The following DHX9 variants were observed in gnomAD, a reference collection of about 807,000 sequenced individuals.
DHX9 encodes the protein ATP-dependent RNA helicase A.
Under a neutral mutation model 148.7 loss-of-function variants are expected in DHX9, and 27 were observed. That is an observed-to-expected ratio of 0.18 (90% CI 0.13 to 0.25). DHX9 has a LOEUF of 0.25. Among genes scored for constraint, DHX9 ranks in the 10% least tolerant of loss-of-function variants. The pLI is 1.00. For missense variants in DHX9, 796 were observed against 1,559.6 expected, an observed-to-expected ratio of 0.51 and a Z score of 8.25; for synonymous variants, 529 against 516.6, an observed-to-expected ratio of 1.02 and a Z score of -0.33.
Position 182,883,169 on chromosome 1 carries a change from C to G in DHX9, c.2945C>G (p.Thr982Ser), listed in dbSNP as rs759423550. ...TTGTTGACACAAGTGTTTACTAACA[C>G]TGGACCAGATAATAATTTGGATGTT... ...DCLLTQVFTN[T>S]GPDNNLDVVI... Residue 982 changes from threonine to serine, a missense_variant, in exon 25 of 28, where the codon ACT becomes AGT. Physicochemically the swap from Thr to Ser is moderately conservative, Grantham distance 58 (BLOSUM62 1). Around this residue, in one of 14 missense-constraint regions of DHX9, gnomAD observed 122 missense variants for 289.3 expected, o/e 0.42. Transcript: ENST00000367549. The G allele has an allele frequency of 1.2e-6, 2 of 1,614,052 alleles. No individual in the cohort carries two copies. Among genetic ancestry groups the G allele is most frequent in the East Asian group, 2.2e-5 (1 of 44,870 alleles).
At chr1:182,859,463 C>T (rs895123227) in intron 11 of DHX9, among the ~76,000 whole-genome samples, 1 of 151,966 alleles carries the variant, frequency 6.6e-6, no homozygotes, top group Non-Finnish European at 1.5e-5. Context: ...AGTTTTTGGA[C>T]AACATCAAAA....
At chr1:182,847,278 A>G (rs1198073701) in intron 3 of DHX9, among the ~76,000 whole-genome samples, 1 of 152,170 alleles carries the variant, frequency 6.6e-6, no homozygotes, top group Non-Finnish European at 1.5e-5. Flanking sequence ...TGTATCAAAT[A>G]ATTTTTTATT....
At chr1:182,884,488 T>A (rs1172012169) in intron 26 of DHX9, 125 bp from the exon 27 acceptor site, 2 of 858,262 alleles carry the variant, frequency 2.3e-6, no homozygotes. Context: ...AGTAGTTTTT[T>A]TTTTTAATAT....
At chr1:182,875,995 C>T (rs1648747596) in intron 16 of DHX9, 55 bp from the exon 17 acceptor site, 6 of 1,409,844 alleles carry the variant, frequency 4.3e-6, no homozygotes, top group Non-Finnish European at 4.0e-6. Flanking sequence ...ATCTAGAAGA[C>T]TTACCTCATG....
chr1:182,878,678 AT>A (rs1290251598), intron 20 of DHX9, among the ~76,000 whole-genome samples: 3 of 152,054 alleles, frequency 2.0e-5, no homozygotes, highest in African/African-American at 4.8e-5. Flanking sequence ...GTGGTTTTGG[AT>A]TTTTTTTCTT....
chr1:182,874,800 C>G, intron 15 of DHX9, 54 bp from the exon 16 acceptor site: 2 of 1,327,172 alleles, frequency 1.5e-6, no homozygotes, highest in Non-Finnish European at 2.2e-6. Context: ...GAATTTAGGT[C>G]TGCTCCATTG....
Position 182,860,175 on chromosome 1 carries a change from AG to A in DHX9, c.1324del (p.Val442Ter). 6.3e-7 allele frequency: 1 copy of A among 1,598,396 alleles called. No homozygotes were observed. On this transcript the variant is annotated frameshift_variant, in exon 12 of 28. Coordinates refer to ENST00000367549, the MANE Select transcript of DHX9 (RefSeq NM_001357.5). LOFTEE classifies it high-confidence loss of function. Reference sequence around the variant, plus strand: ...ACCGAGCAGCAGAGTGTAACATCGTAGTAACTCAGGTAAGTGGTAAACCAAC... The same window carrying A: ...ACCGAGCAGCAGAGTGTAACATCGTATAACTCAGGTAAGTGGTAAACCAAC... ...NDRAAECNIV[V>X]TQPRRISAVS...
In DHX9 at chr1:182,858,658, T is replaced by C. The variant is rs1668298033; in HGVS notation, c.900+18T>C. On this transcript the variant is annotated intron_variant, in intron 9 of 27. Transcript: ENST00000367549. ...TGCCCCCGGTAAGCATAAAGCTGTT[T>C]AGTTCACATTTACGTAGAACTCTCC... 1.9e-6 allele frequency: 3 copies of C among 1,609,338 alleles called. No individual in the cohort carries two copies. Among genetic ancestry groups the C allele is most frequent in the Admixed American group, 1.7e-5 (1 of 59,642 alleles).
At chr1:182,866,831 A>G in intron 13 of DHX9, 130 bp from the exon 14 acceptor site, 2 of 792,852 alleles carry the variant, frequency 2.5e-6, no homozygotes, top group South Asian at 1.9e-5. Flanking sequence ...ATCACTTTTT[A>G]ATAGTTTAAA....
In DHX9 at chr1:182,839,409, CAG is replaced by C. The variant is rs999881989; in HGVS notation, c.-67_-66del. 1.3e-5 allele frequency: 2 copies of C among 152,438 alleles called. No individual in the cohort carries two copies. Among genetic ancestry groups the C allele is most frequent in the African/African-American group, 4.8e-5 (2 of 41,466 alleles). The allele number at this position is 152,438 out of a possible 1,614,324, so 9.4% of individuals were successfully genotyped here. A position where few individuals can be genotyped will look rare whatever the true frequency, so the allele number is the denominator to read the frequency against. Reference sequence around the variant, plus strand: ...TTTCTCTGTTGTCTCGGTAGAAGGCCAGAGTCACACACGGTCCTAAGAGCTGG... The same window carrying C: ...TTTCTCTGTTGTCTCGGTAGAAGGCCAGTCACACACGGTCCTAAGAGCTGG... On this transcript the variant is annotated 5_prime_UTR_variant, in exon 1 of 28. An upstream open reading frame in the 5' UTR loses its in-frame stop. Coordinates refer to ENST00000367549, the MANE Select transcript of DHX9 (RefSeq NM_001357.5).
chr1:182,877,700 C>T lies in DHX9; in HGVS notation c.2199-321C>T, dbSNP rs1648875536. The T allele has an allele frequency of 5.1e-5, 12 of 235,654 alleles. No individual in the cohort carries two copies. The Admixed American group carries it at 6.3e-4, about 12-fold the overall frequency. 14.6% of individuals were successfully genotyped at this position (235,654 alleles called of 1,614,324 possible). On this transcript the variant is annotated intron_variant, in intron 19 of 27. Transcript: ENST00000367549. The stretch of plus-strand genomic sequence containing the variant: ...ATAATTACTTTCTTTTGTGTATGTG[C>T]CATATTCCATTTAAATGCTTTGCAT...
At chr1:182,872,773 ATAAAG>A (rs1407000620) in intron 15 of DHX9, among the ~76,000 whole-genome samples, 3 of 152,190 alleles carry the variant, frequency 2.0e-5, no homozygotes, top group East Asian at 1.9e-4. Flanking sequence ...TTTAAAAATT[ATAAAG>A]TATAGTCAAA....
chr1:182,842,107 T>C (rs1033884766), intron 1 of DHX9, among the ~76,000 whole-genome samples: 4 of 152,220 alleles, frequency 2.6e-5, no homozygotes, highest in Non-Finnish European at 5.9e-5. Context: ...GACTTGGAAG[T>C]TACTTTTTTA....
At chr1:182,862,971 C>T (rs937545960) in intron 12 of DHX9, among the ~76,000 whole-genome samples, 4 of 152,114 alleles carry the variant, frequency 2.6e-5, no homozygotes, top group African/African-American at 9.7e-5. Flanking sequence ...CTTGAAATTA[C>T]CTACTACTAT....
chr1:182,841,699 A>G (rs936968030), intron 1 of DHX9, among the ~76,000 whole-genome samples: 1 of 152,244 alleles, frequency 6.6e-6, no homozygotes, highest in African/African-American at 2.4e-5. Flanking sequence ...TCTCACAGCA[A>G]ACTAAATTCA....
At chr1:182,866,180 CCT>C (rs1283486030) in intron 12 of DHX9, among the ~76,000 whole-genome samples, 1 of 152,104 alleles carries the variant, frequency 6.6e-6, no homozygotes, top group South Asian at 2.1e-4. Context: ...TATGCTGTGC[CCT>C]GTTTCCTACT....
At chr1:182,862,395 G>C (rs1188848803) in intron 12 of DHX9, among the ~76,000 whole-genome samples, 1 of 152,126 alleles carries the variant, frequency 6.6e-6, no homozygotes, top group Non-Finnish European at 1.5e-5. Context: ...CCTGTGGGCT[G>C]TATGCAGAAA....
At chr1:182,861,978 C>T (rs1423289163) in intron 12 of DHX9, among the ~76,000 whole-genome samples, 1 of 152,212 alleles carries the variant, frequency 6.6e-6, no homozygotes, top group Non-Finnish European at 1.5e-5. Context: ...TCAAATTCAT[C>T]AGCACCTACC....
Position 182,879,418 on chromosome 1 carries a change from C to G in DHX9, c.2512+8C>G. On this transcript the variant is annotated splice_region_variant and intron_variant, in intron 21 of 27. Transcript: ENST00000367549. ...CAGAACACACTCTTAGAGGTACTTA[C>G]AAATACAAACCTACTTGACGCAGAT... is the stretch of plus-strand genomic sequence containing the variant. The G allele has an allele frequency of 6.9e-7, 1 of 1,446,284 alleles. No homozygotes were observed. Among genetic ancestry groups the G allele is most frequent in the Non-Finnish European group, 9.3e-7 (1 of 1,080,672 alleles). 89.6% of individuals were successfully genotyped at this position (1,446,284 alleles called of 1,614,324 possible).
Sources: allele counts gnomAD v4.1 joint callset (sites outside exome capture counted in the v4.1 genomes callset), GRCh38; gene constraint gnomAD v4.1.1; regional missense constraint gnomAD v4.1.1; transcripts MANE v1.5; gene names NCBI Gene and HGNC (gene_info 2026-07-23, HGNC 2026-07-21).